RPS6KC1: variants seen among roughly 807,000 people sequenced by gnomAD.
RPS6KC1 encodes the protein inactive ribosomal protein S6 kinase delta-1.
A neutral mutation model predicts 103.8 loss-of-function variants in RPS6KC1; 54 were observed. The ratio of observed to expected loss-of-function variants is 0.52; its 90% CI spans 0.42 to 0.65. The LOEUF (loss-of-function observed/expected upper bound fraction) is 0.65, where lower values mean the gene tolerates loss of function less well. Among genes scored for constraint, RPS6KC1 ranks in the 30% least tolerant of loss-of-function variants. The pLI is 0.00. For synonymous variants in RPS6KC1, 439 were observed against 438.7 expected (o/e 1.00, Z -0.01); for missense variants, 1,151 against 1,253.8 (o/e 0.92, Z 1.24).
chr1:213,285,109 A>G, the RPS6KC1 span, among the ~76,000 whole-genome samples: 2 of 152,332 alleles, frequency 1.3e-5, no homozygotes, highest in African/African-American at 2.4e-5. Context: ...TATTTCTCAC[A>G]GTTGCGGAGT....
chr1:213,570,903 A>C, the RPS6KC1 span, among the ~76,000 whole-genome samples: 1 of 152,250 alleles, frequency 6.6e-6, no homozygotes, highest in African/African-American at 2.4e-5. Flanking sequence ...ACTAATGAGG[A>C]AAAGATGCTA....
At chr1:213,525,851 G>T in the RPS6KC1 span, among the ~76,000 whole-genome samples, 4 of 152,254 alleles carry the variant, frequency 2.6e-5, no homozygotes, top group East Asian at 5.8e-4. Context: ...CTTCAGTAGA[G>T]TGGTGGGGGG....
chr1:213,210,939 A>T (rs913968259), intron 8 of RPS6KC1, among the ~76,000 whole-genome samples: 1 of 152,248 alleles, frequency 6.6e-6, no homozygotes, highest in African/African-American at 2.4e-5. Flanking sequence ...CCCTGATTCT[A>T]TAAACGAGAA....
At chr1:213,076,047 A>G (rs1442004623) in intron 2 of RPS6KC1, among the ~76,000 whole-genome samples, 1 of 152,160 alleles carries the variant, frequency 6.6e-6, no homozygotes, top group African/African-American at 2.4e-5. Context: ...TCCTAACTAG[A>G]CTGTGAACTC....
chr1:213,668,258 G>T, the RPS6KC1 span, among the ~76,000 whole-genome samples: 1 of 152,050 alleles, frequency 6.6e-6, no homozygotes, highest in Non-Finnish European at 1.5e-5. Flanking sequence ...CTTGAAAGTT[G>T]AAATGACTCC....
the RPS6KC1 span, among the ~76,000 whole-genome samples, chr1:213,346,031 C>G: frequency 1.3e-5 from 2 of 152,178 alleles, no homozygotes; most frequent in Non-Finnish European, 1.5e-5. Flanking sequence ...TCATATACAT[C>G]CCACCCTAAT....
the RPS6KC1 span, among the ~76,000 whole-genome samples, chr1:213,367,388 C>T: frequency 0.031 from 4,694 of 152,270 alleles, 253 homozygotes; most frequent in African/African-American, 0.11. Flanking sequence ...TAAAAATCCT[C>T]CGGCTGCTTT....
At chr1:213,110,869 G>T (rs963674856) in intron 4 of RPS6KC1, among the ~76,000 whole-genome samples, 1 of 151,970 alleles carries the variant, frequency 6.6e-6, no homozygotes, top group African/African-American at 2.4e-5. Context: ...GCAACTTCAG[G>T]TGTGCTGAGC....
chr1:213,483,361 C>T, the RPS6KC1 span, among the ~76,000 whole-genome samples: 4 of 152,268 alleles, frequency 2.6e-5, no homozygotes, highest in Non-Finnish European at 4.4e-5. Context: ...TAACACAATA[C>T]GGCTGAGTAT....
chr1:213,646,338 C>T, the RPS6KC1 span, among the ~76,000 whole-genome samples: 4 of 152,170 alleles, frequency 2.6e-5, no homozygotes, highest in African/African-American at 9.6e-5. Flanking sequence ...GAAGAAGAGA[C>T]GGAAGAAATA....
the RPS6KC1 span, among the ~76,000 whole-genome samples, chr1:213,597,812 C>T: frequency 6.6e-5 from 10 of 152,108 alleles, no homozygotes; most frequent in African/African-American, 2.4e-4. Context: ...GAAAGATACT[C>T]ATAGAACAAT....
At chr1:213,174,443 G>T (rs1420431117) in intron 7 of RPS6KC1, among the ~76,000 whole-genome samples, 1 of 152,136 alleles carries the variant, frequency 6.6e-6, no homozygotes, top group African/African-American at 2.4e-5. Context: ...GACGAGGTGG[G>T]TGGATCACCT....
chr1:213,460,135 C>T, the RPS6KC1 span, among the ~76,000 whole-genome samples: 1 of 152,102 alleles, frequency 6.6e-6, no homozygotes, highest in East Asian at 1.9e-4. Context: ...TCTTGAATAT[C>T]CTTGTTAATT....
the RPS6KC1 span, among the ~76,000 whole-genome samples, chr1:213,454,148 G>T: frequency 1.4e-5 from 1 of 71,756 alleles, no homozygotes; most frequent in Non-Finnish European, 2.5e-5. Flanking sequence ...TTGACCACAT[G>T]GGGGGGGTCA....
At chr1:213,233,108 T>C (rs943937241) in intron 10 of RPS6KC1, among the ~76,000 whole-genome samples, 4 of 152,236 alleles carry the variant, frequency 2.6e-5, no homozygotes, top group Non-Finnish European at 5.9e-5. Flanking sequence ...CATTGCTTTC[T>C]GGAATGAGGT....
chr1:213,158,959 A>G (rs1472855171), intron 6 of RPS6KC1, among the ~76,000 whole-genome samples: 1 of 152,158 alleles, frequency 6.6e-6, no homozygotes, highest in African/African-American at 2.4e-5. Context: ...TACTTATTAT[A>G]TAATAGTAGT....
chr1:213,380,761 C>A, the RPS6KC1 span, among the ~76,000 whole-genome samples: 1 of 152,114 alleles, frequency 6.6e-6, no homozygotes, highest in African/African-American at 2.4e-5. Flanking sequence ...GGTGCTGAGA[C>A]CAGAGCAGTG....
the RPS6KC1 span, among the ~76,000 whole-genome samples, chr1:213,545,315 G>A: frequency 6.6e-6 from 1 of 151,538 alleles, no homozygotes; most frequent in South Asian, 2.1e-4. Context: ...AGGTTGCAGT[G>A]AGCTGAGATC....
At chr1:213,611,123 G>C in the RPS6KC1 span, among the ~76,000 whole-genome samples, 1 of 152,058 alleles carries the variant, frequency 6.6e-6, no homozygotes, top group Non-Finnish European at 1.5e-5. Flanking sequence ...TTCTTCCTCA[G>C]TTTTGTTGGT....
Sources: allele counts gnomAD v4.1 joint callset (sites outside exome capture counted in the v4.1 genomes callset), GRCh38; gene constraint gnomAD v4.1.1; transcripts MANE v1.5; gene names NCBI Gene and HGNC (gene_info 2026-07-23, HGNC 2026-07-21).